The following BPHL variants were observed in gnomAD, a reference collection of about 807,000 sequenced individuals.
The protein encoded by BPHL is serine hydrolase BPHL.
Under a neutral mutation model 31.2 loss-of-function variants are expected in BPHL, and 27 were observed. That is an observed-to-expected ratio of 0.87 (90% confidence interval 0.64 to 1.19). BPHL has a LOEUF of 1.19. Among genes scored for constraint, BPHL ranks in the 50% most tolerant of loss-of-function variants. The pLI is 0.00. For synonymous variants in BPHL, 150 were observed against 146.8 expected, an observed-to-expected ratio of 1.02 and a Z score of -0.16; for missense variants, 356 against 375.7, an observed-to-expected ratio of 0.95 and a Z score of 0.43.
Position 3,152,659 on chromosome 6 carries a change from C to A in BPHL, c.*84C>A. The A allele has an allele frequency of 7.9e-7, 1 of 1,265,854 alleles. No individual in the cohort carries two copies. Among genetic ancestry groups the A allele is most frequent in the Non-Finnish European group, 1.1e-6 (1 of 892,452 alleles). 78.4% of individuals were successfully genotyped at this position (1,265,854 alleles called of 1,614,324 possible). On this transcript the variant is annotated 3_prime_UTR_variant, in exon 7 of 7. Coordinates refer to ENST00000380379, the MANE Select transcript of BPHL (RefSeq NM_004332.4). ...GTTAACATGATGCCTTTGAAACTCT[C>A]CGCCTTTGAAACTTTCTACCCCTCC... is the stretch of plus-strand genomic sequence containing the variant.
chr6:3,134,419 T>C (rs1761951911), intron 4 of BPHL, among the ~76,000 whole-genome samples: 1 of 151,724 alleles, frequency 6.6e-6, no homozygotes, highest in Non-Finnish European at 1.5e-5. Context: ...TTCTTTCCTT[T>C]TTCTTTTTCT....
At chr6:3,151,154 G>T (rs1032719822) in intron 6 of BPHL, among the ~76,000 whole-genome samples, 1 of 152,152 alleles carries the variant, frequency 6.6e-6, no homozygotes, top group Admixed American at 6.5e-5. Context: ...GCTTAGTGCA[G>T]ATTAGGGGAT....
At chr6:3,123,611 C>A (rs1406906609) in intron 1 of BPHL, 46 bp from the exon 2 acceptor site, 2 of 1,538,972 alleles carry the variant, frequency 1.3e-6, no homozygotes, top group Non-Finnish European at 1.8e-6. Context: ...AAGAAATCTT[C>A]CCATCTCCCC....
intron 6 of BPHL, among the ~76,000 whole-genome samples, chr6:3,147,690 T>C (rs1251513434): frequency 6.6e-6 from 1 of 152,136 alleles, no homozygotes; most frequent in Non-Finnish European, 1.5e-5. Flanking sequence ...TTTTAGGGAA[T>C]TGGTTCATGG....
chr6:3,141,375 GT>G (rs553898894), intron 6 of BPHL, among the ~76,000 whole-genome samples: 11 of 151,272 alleles, frequency 7.3e-5, no homozygotes, highest in Non-Finnish European at 1.3e-4. Flanking sequence ...GAGGGAGTTG[GT>G]TTTTTTTTGG....
chr6:3,142,073 A>G (rs541550440), intron 6 of BPHL, among the ~76,000 whole-genome samples: 1 of 152,168 alleles, frequency 6.6e-6, no homozygotes, highest in African/African-American at 2.4e-5. Flanking sequence ...TCATGGTACA[A>G]AATTCCAGTA....
chr6:3,131,633 C>T (rs542019295), intron 4 of BPHL, among the ~76,000 whole-genome samples: 1 of 152,194 alleles, frequency 6.6e-6, no homozygotes, highest in South Asian at 2.1e-4. Context: ...AAAGTCCGTG[C>T]AGTTTGGCTG....
At chr6:3,129,264 T>C (rs539176538) in intron 4 of BPHL, 66 bp downstream of exon 4, 117 of 1,463,334 alleles carry the variant, frequency 8.0e-5, no homozygotes, top group Non-Finnish European at 1.0e-4. Context: ...TCTCATCTCT[T>C]ATTGTGGGAT....
At chr6:3,118,657 G>A (rs899114816), upstream of BPHL, 1 of 971,284 alleles carries the variant, frequency 1.0e-6, no homozygotes, top group Non-Finnish European at 1.3e-6. Context: ...CGGAGCAGAG[G>A]GCGTGGCTTC....
rs549772112 is a variant in BPHL, at chr6:3,149,380, G to C, written c.789-3108G>C. 9.5e-4 allele frequency among the ~76,000 whole-genome samples: 144 copies of C among 152,216 alleles called. 1 individual carries two copies. Among genetic ancestry groups the C allele is most frequent in the African/African-American group, 3.4e-3 (140 of 41,532 alleles). ...TAAAAGCACCAACCCAGCAGCCCGA[G>C]GGTCCTCTAGCAGCCCACTTCAAGC... On this transcript the variant is annotated intron_variant, in intron 6 of 6. Transcript: ENST00000380379. The surrounding 1 kb of genome is among the most constrained non-coding windows in gnomAD (Gnocchi z 4.6).
chr6:3,135,119 C>T (rs1761978303), intron 4 of BPHL, among the ~76,000 whole-genome samples: 1 of 152,236 alleles, frequency 6.6e-6, no homozygotes, highest in South Asian at 2.1e-4. Flanking sequence ...CATTTGTTTA[C>T]TCACCTGTTC....
chr6:3,132,952 C>G (rs543864550), intron 4 of BPHL, among the ~76,000 whole-genome samples: 1 of 152,216 alleles, frequency 6.6e-6, no homozygotes, highest in Non-Finnish European at 1.5e-5. Context: ...CTCACACCTA[C>G]TTTAAATTCA....
At chr6:3,118,710 C>A, upstream of BPHL, 1 of 1,252,480 alleles carries the variant, frequency 8.0e-7, no homozygotes, top group Non-Finnish European at 1.0e-6. Flanking sequence ...TTAGCGCATG[C>A]GCACTCCCGG....
chr6:3,140,455 C>A lies in BPHL; in HGVS notation c.734C>A (p.Pro245His). Residue 245 changes from proline (P) to histidine (H), a missense_variant, in exon 6 of 7, where the codon CCT becomes CAT. Physicochemically the swap from Pro to His is moderately conservative, Grantham distance 77. Coordinates refer to ENST00000380379, the MANE Select transcript of BPHL (RefSeq NM_004332.4). This position sits in a 1 kb window ranked among gnomAD's most constrained non-coding sequence, Gnocchi z 5.2. ...PALIVHGEKD[P>H]LVPRFHADFI... Reference sequence around the variant, plus strand: ...TTGATTGTGCACGGTGAGAAGGATCCTCTGGTCCCACGGTTTCATGCCGAC... The same window carrying A: ...TTGATTGTGCACGGTGAGAAGGATCATCTGGTCCCACGGTTTCATGCCGAC... 1 of 1,614,130 alleles carries A rather than the reference C, an allele frequency of 6.2e-7. No homozygotes were observed. The highest frequency in any genetic ancestry group is 8.5e-7 in the Non-Finnish European group (1 of 1,180,020).
chr6:3,139,049 G>T (rs923649779), intron 5 of BPHL: 2 of 152,128 alleles, frequency 1.3e-5, no homozygotes, highest in African/African-American at 2.4e-5. Context: ...GAGTGCGATG[G>T]CCCTGAGTGT....
intron 6 of BPHL, among the ~76,000 whole-genome samples, chr6:3,141,599 C>G (rs1762178805): frequency 6.6e-6 from 1 of 152,228 alleles, no homozygotes; most frequent in South Asian, 2.1e-4. Context: ...AACTCCTGAC[C>G]TCGTGATCCG....
chr6:3,132,668 A>C (rs1191765226), intron 4 of BPHL, among the ~76,000 whole-genome samples: 1 of 152,072 alleles, frequency 6.6e-6, no homozygotes, highest in Admixed American at 6.6e-5. Context: ...CCGTGTCTAC[A>C]AAAAAATACA....
rs184877166 is a variant in BPHL at position 3,142,129 on chromosome 6, T to G, written c.788+1620T>G. Among the ~76,000 whole-genome samples the G allele has an allele frequency of 3.6e-3, 542 of 152,148 alleles. 2 individuals are homozygous for G. Among genetic ancestry groups the G allele is most frequent in the African/African-American group, 0.012 (514 of 41,518 alleles). ...TTGCAAAAGTTTTTTTTGTTTGTTT[T>G]TTTTTTGAGGCACAGTTTCACTCTT... On this transcript the variant is annotated intron_variant, in intron 6 of 6. Coordinates refer to ENST00000380379, the MANE Select transcript of BPHL (RefSeq NM_004332.4).
chr6:3,127,478 TTTG>T lies in BPHL; in HGVS notation c.378+76_378+78del, dbSNP rs1761750598. The T allele has an allele frequency of 7.6e-6, 10 of 1,311,558 alleles. No homozygotes were observed. The South Asian group carries it at 1.6e-4, about 21-fold the overall frequency. The allele number at this position is 1,311,558 out of a possible 1,614,324, so 81.2% of individuals were successfully genotyped here. A position where few individuals can be genotyped will look rare whatever the true frequency, so the allele number is the denominator to read the frequency against. On this transcript the variant is annotated intron_variant, in intron 3 of 6. Coordinates refer to ENST00000380379, the MANE Select transcript of BPHL (RefSeq NM_004332.4). ...CTGTCTTCATTTATTTTGTTTAAAT[TTTG>T]TTGTTATATTTTTCTACAAAATAAT...
Sources: gnomAD v4.1 joint callset for allele counts (sites outside exome capture counted in the v4.1 genomes callset) on GRCh38, gnomAD v4.1.1 for gene constraint, Gnocchi (gnomAD v3.1) non-coding constraint, MANE v1.5 for transcripts, NCBI Gene and HGNC (gene_info 2026-07-23, HGNC 2026-07-21) for gene names.